RBFOX1: variants seen among roughly 807,000 people sequenced by gnomAD.
RBFOX1 encodes the protein RNA binding fox-1 homolog 1.
In RBFOX1, 8 loss-of-function variants were observed where a neutral mutation model predicts 57.7. The ratio of observed to expected loss-of-function variants is 0.14; its 90% CI spans 0.08 to 0.25. The LOEUF (loss-of-function observed/expected upper bound fraction) is 0.25, where lower values mean the gene tolerates loss of function less well. Among genes scored for constraint, RBFOX1 ranks in the 10% least tolerant of loss-of-function variants. The pLI, the probability that RBFOX1 is intolerant of heterozygous loss-of-function variation, is 1.00. For missense variants in RBFOX1, 611 were observed against 548.5 expected (o/e 1.11, Z -1.14); for synonymous variants, 326 against 222.4 (o/e 1.47, Z -4.15).
At chr16:6,770,430 C>T (rs551222025) in intron 3 of RBFOX1, among the ~76,000 whole-genome samples, 4 of 152,264 alleles carry the variant, frequency 2.6e-5, no homozygotes, top group Non-Finnish European at 5.9e-5. Context: ...TTATGTATAC[C>T]CAGCTGCACC....
chr16:7,222,834 G>A (rs1175387420), intron 4 of RBFOX1, among the ~76,000 whole-genome samples: 2 of 152,202 alleles, frequency 1.3e-5, no homozygotes, highest in African/African-American at 2.4e-5. Flanking sequence ...AAAGACTGCA[G>A]TGTTCCATTT....
chr16:5,517,240 T>G (rs1483115119), intron 2 of RBFOX1, among the ~76,000 whole-genome samples: 1 of 152,208 alleles, frequency 6.6e-6, no homozygotes, highest in Admixed American at 6.5e-5. Flanking sequence ...CTCCAGAGCC[T>G]GGATGTAGAT....
intron 1 of RBFOX1, among the ~76,000 whole-genome samples, chr16:6,291,004 A>G (rs1279685234): frequency 6.6e-6 from 1 of 152,164 alleles, no homozygotes; most frequent in Non-Finnish European, 1.5e-5. Flanking sequence ...TATGCCAAAC[A>G]AGGGGTGTAT....
At chr16:6,008,629 G>A (rs568183098) in intron 4 of RBFOX1, among the ~76,000 whole-genome samples, 2 of 152,246 alleles carry the variant, frequency 1.3e-5, no homozygotes, top group Admixed American at 6.5e-5. Context: ...GACAACCAGG[G>A]GAGTTTGAAG....
At chr16:7,419,676 A>C (rs2056358495) in intron 4 of RBFOX1, among the ~76,000 whole-genome samples, 1 of 151,964 alleles carries the variant, frequency 6.6e-6, no homozygotes, top group Admixed American at 6.6e-5. Flanking sequence ...TTCAAAATTG[A>C]CTTGCTCTCC....
rs148211863 is a variant in RBFOX1, at chr16:5,907,869, G to T, written c.351+40534G>T. On this transcript the variant is annotated intron_variant, in intron 4 of 19. Coordinates refer to the RBFOX1 transcript ENST00000641259. ...AGGTTCAAGCAATTCTCCTGCCTCA[G>T]CCTCCCAGCTAGCTAGGATTACAGG... Among the ~76,000 whole-genome samples, 1,047 of 151,746 alleles carry T rather than the reference G, an allele frequency of 6.9e-3. 5 individuals are homozygous for T. Among genetic ancestry groups the T allele is most frequent in the Non-Finnish European group, 9.9e-3 (673 of 67,952 alleles).
At chr16:7,004,593 A>G (rs75169220) in intron 3 of RBFOX1, among the ~76,000 whole-genome samples, 3 of 152,212 alleles carry the variant, frequency 2.0e-5, no homozygotes, top group African/African-American at 7.2e-5. Context: ...ATGAATTTCT[A>G]TTTAATGGCT....
intron 3 of RBFOX1, among the ~76,000 whole-genome samples, chr16:5,611,705 C>CCCAACCATCCATCTAT: frequency 1.0e-5 from 1 of 100,200 alleles, no homozygotes; most frequent in African/African-American, 5.1e-5. Context: ...CACCCACTCT[C>CCCAACCATCCATCTAT]CCATCCATCC....
chr16:7,232,385 G>C (rs986336550), intron 4 of RBFOX1, among the ~76,000 whole-genome samples: 1 of 152,170 alleles, frequency 6.6e-6, no homozygotes, highest in Admixed American at 6.5e-5. Context: ...AGATGCCTAT[G>C]TCTTTAGGTT....
intron 1 of RBFOX1, among the ~76,000 whole-genome samples, chr16:6,111,112 G>A (rs1207672141): frequency 5.3e-5 from 8 of 152,134 alleles, no homozygotes; most frequent in Non-Finnish European, 1.0e-4. Flanking sequence ...AAGGATGGGC[G>A]AGAGAGGGAG....
chr16:5,527,391 G>A lies in RBFOX1; in HGVS notation c.258+60137G>A, dbSNP rs183603550. ...TCCTCCATGCTGTTTCTCTTCCACC[G>A]GCTTAATGCAGGTGAGGATGGCAAT... On this transcript the variant is annotated intron_variant, in intron 2 of 2. Transcript: ENST00000585867. Among the ~76,000 whole-genome samples the A allele has an allele frequency of 2.4e-4, 36 of 152,276 alleles. 1 individual carries two copies. The East Asian group carries it at 2.7e-3, about 11-fold the overall frequency.
At chr16:6,850,873 G>A (rs1276295629) in intron 3 of RBFOX1, among the ~76,000 whole-genome samples, 1 of 152,074 alleles carries the variant, frequency 6.6e-6, no homozygotes. Flanking sequence ...GCACACTTGG[G>A]CATTTATCCC....
At chr16:6,540,024 G>A (rs1448771759) in intron 2 of RBFOX1, among the ~76,000 whole-genome samples, 1 of 152,072 alleles carries the variant, frequency 6.6e-6, no homozygotes, top group Non-Finnish European at 1.5e-5. Flanking sequence ...CAGCAACCCT[G>A]CAGTTCAACA....
intron 1 of RBFOX1, among the ~76,000 whole-genome samples, chr16:6,200,729 T>C (rs181967093): frequency 1.3e-5 from 2 of 152,316 alleles, no homozygotes; most frequent in Admixed American, 1.3e-4. Context: ...TGAAGGGTTG[T>C]GTCTTGTGTG....
chr16:7,379,079 G>T (rs1245903569), intron 4 of RBFOX1, among the ~76,000 whole-genome samples: 1 of 152,104 alleles, frequency 6.6e-6, no homozygotes, highest in Non-Finnish European at 1.5e-5. Context: ...TGTAGTACTG[G>T]GTATGTTTCT....
chr16:6,740,912 A>C (rs2071871344), intron 3 of RBFOX1, among the ~76,000 whole-genome samples: 1 of 152,218 alleles, frequency 6.6e-6, no homozygotes, highest in African/African-American at 2.4e-5. Context: ...TAGAGTTGTT[A>C]ACACAATTTT....
chr16:5,443,049 G>C (rs1238681407), intron 1 of RBFOX1, among the ~76,000 whole-genome samples: 1 of 152,164 alleles, frequency 6.6e-6, no homozygotes, highest in Non-Finnish European at 1.5e-5. Flanking sequence ...ACTGAAAGAG[G>C]CAAGGAACAG....
intron 4 of RBFOX1, among the ~76,000 whole-genome samples, chr16:7,409,504 A>G (rs2098400826): frequency 6.6e-6 from 1 of 152,232 alleles, no homozygotes; most frequent in Non-Finnish European, 1.5e-5. Flanking sequence ...TTCTATTAGA[A>G]AGCTGTTGCC....
intron 2 of RBFOX1, among the ~76,000 whole-genome samples, chr16:6,520,504 ATTATT>A (rs2096477622): frequency 6.6e-6 from 1 of 152,218 alleles, no homozygotes; most frequent in African/African-American, 2.4e-5. Flanking sequence ...ATAAAATGAA[ATTATT>A]CAACGTAACT....
Sources: gnomAD v4.1 joint callset for allele counts (sites outside exome capture counted in the v4.1 genomes callset) on GRCh38, gnomAD v4.1.1 for gene constraint, MANE v1.5 for transcripts, NCBI Gene and HGNC (gene_info 2026-07-23, HGNC 2026-07-21) for gene names.